ABRAXAS1: variants seen among roughly 807,000 people sequenced by gnomAD.
ABRAXAS1 encodes the protein BRCA1-A complex subunit Abraxas 1.
In ABRAXAS1, 26 loss-of-function variants were observed where a neutral mutation model predicts 38.4. The ratio of observed to expected loss-of-function variants is 0.68; its 90% confidence interval spans 0.50 to 0.94. ABRAXAS1 has a LOEUF of 0.94. Among genes scored for constraint, ABRAXAS1 ranks in the 40% least tolerant of loss-of-function variants. ABRAXAS1 has a pLI of 0.00. For synonymous variants in ABRAXAS1, 144 were observed against 165.5 expected (o/e 0.87, Z 1.00); for missense variants, 438 against 481.9 (o/e 0.91, Z 0.85).
Position 83,472,251 on chromosome 4 carries a change from G to A in ABRAXAS1, c.253C>T (p.Leu85=). Reference sequence around the variant, plus strand: ...TTGACATTTGATAATATTTTCTTCAGTGCTTGCTCATTTACTTCGCCTGAA... The same window carrying A: ...TTGACATTTGATAATATTTTCTTCAATGCTTGCTCATTTACTTCGCCTGAA... The part of the protein sequence containing the change: ...NSSGEVNEQA[L]KKILSNVKKN... Residue 85 remains leucine, a synonymous_variant, in exon 4 of 9, where the codon CTG becomes TTG. Transcript: ENST00000321945. 1 of 1,533,394 alleles carries A rather than the reference G, an allele frequency of 6.5e-7. No homozygotes were observed. Among genetic ancestry groups the A allele is most frequent in the Non-Finnish European group, 8.8e-7 (1 of 1,139,724 alleles). 95.0% of individuals were successfully genotyped at this position (1,533,394 alleles called of 1,614,324 possible).
At position 83,477,982 on chromosome 4, in the gene ABRAXAS1, G is replaced by C. The variant is rs888430729; in HGVS notation, c.179-1303C>G. 3.1e-6 allele frequency: 3 copies of C among 956,960 alleles called. No individual in the cohort carries two copies. In the African/African-American group the frequency reaches 4.9e-5, roughly 16 times the overall value. 59.3% of individuals were successfully genotyped at this position (956,960 alleles called of 1,614,324 possible). ...AGGCTCAAGGAAGTTTGTTCCAAGG[G>C]AGCATGATTGGCAGCTTCATCGATA... is the stretch of plus-strand genomic sequence containing the variant. On this transcript the variant is annotated intron_variant, in intron 2 of 8. Transcript: ENST00000321945.
chr4:83,476,585 T>G, intron 3 of ABRAXAS1, 58 bp downstream of exon 3: 1 of 1,168,816 alleles, frequency 8.6e-7, no homozygotes, highest in East Asian at 2.4e-5. Flanking sequence ...AAAAACTATT[T>G]CACTTGCAGA....
chr4:83,467,569 T>C (rs757063481), intron 6 of ABRAXAS1, 31 bp from the exon 7 acceptor site: 17 of 1,064,380 alleles, frequency 1.6e-5, no homozygotes, highest in Non-Finnish European at 2.3e-5. Flanking sequence ...CTCAGGCAAA[T>C]ACACAAAACC....
chr4:83,479,442 C>G (rs1473797858), intron 2 of ABRAXAS1: 2 of 149,740 alleles, frequency 1.3e-5, no homozygotes, highest in East Asian at 3.9e-4. Context: ...GACCTAGGCA[C>G]TTTTATATAC....
chr4:83,478,030 G>A, intron 2 of ABRAXAS1: 1 of 988,328 alleles, frequency 1.0e-6, no homozygotes, highest in South Asian at 1.3e-5. Context: ...AAGGCACCAG[G>A]GGTCTGTGGA....
chr4:83,477,951 G>C, intron 2 of ABRAXAS1: 2 of 886,482 alleles, frequency 2.3e-6, no homozygotes, highest in South Asian at 2.6e-5. Flanking sequence ...CTAAAGATTC[G>C]AATGCAGGCT....
chr4:83,463,998 C>G lies in ABRAXAS1; in HGVS notation c.682-390G>C, dbSNP rs1285256869. 6 of 152,938 alleles carry G rather than the reference C, an allele frequency of 3.9e-5. No homozygotes were observed. The Admixed American group carries it at 3.9e-4, about 10-fold the overall frequency. The allele number at this position is 152,938 out of a possible 1,614,324, so 9.5% of individuals were successfully genotyped here. ...CTCAGGAGTTCGAGACCAGCCTGGG[C>G]AACATGGTGAAACCCTGTCTCTACT... On this transcript the variant is annotated intron_variant, in intron 7 of 8. Transcript: ENST00000321945.
At chr4:83,472,493 T>C (rs1201632971) in intron 3 of ABRAXAS1, among the ~76,000 whole-genome samples, 1 of 151,960 alleles carries the variant, frequency 6.6e-6, no homozygotes, top group Admixed American at 6.6e-5. Flanking sequence ...CATAAAGCAA[T>C]GAAAAGGAAA....
In ABRAXAS1 at chr4:83,470,219, A is replaced by T; in HGVS notation, c.460T>A (p.Tyr154Asn). 1 of 1,612,486 alleles carries T rather than the reference A, an allele frequency of 6.2e-7. No individual in the cohort carries two copies. Among genetic ancestry groups the T allele is most frequent in the Non-Finnish European group, 8.5e-7 (1 of 1,179,220 alleles). The part of the protein sequence containing the change: ...CSTHRLEHSL[Y>N]KPQKGLFHRV... ...AACATTTACCCTTTTTGAGGTTTAT[A>T]TAAGGAATGTTCCAGTCGATGAGTA... The change falls in exon 5 of 9, where the codon TAT becomes AAT. Residue 154 changes from tyrosine to asparagine, a missense_variant. By Grantham distance (143) the Tyr-to-Asn change is moderately radical (BLOSUM62 -2). Transcript: ENST00000321945.
At position 83,462,215 on chromosome 4, in the gene ABRAXAS1, T is replaced by C. The variant is rs534393973; in HGVS notation, c.*254A>G. ...GTCTCACTTTTCCAATTCTAAAGAA[T>C]GTGTCTGTGTAAGCCTTCCCCTCAA... On this transcript the variant is annotated 3_prime_UTR_variant, in exon 9 of 9. Transcript: ENST00000321945. 7.0e-5 allele frequency: 28 copies of C among 397,392 alleles called. 1 individual carries two copies. Among genetic ancestry groups the C allele is most frequent in the Middle Eastern group, 6.5e-4 (1 of 1,540 alleles). 24.6% of individuals were successfully genotyped at this position (397,392 alleles called of 1,614,324 possible).
chr4:83,469,500 A>G lies in ABRAXAS1; in HGVS notation c.477-349T>C, dbSNP rs553305242. 3.1e-5 allele frequency: 7 copies of G among 229,292 alleles called. No individual in the cohort carries two copies. In the South Asian group the frequency reaches 4.5e-4, roughly 15 times the overall value. 14.2% of individuals were successfully genotyped at this position (229,292 alleles called of 1,614,324 possible). A position where few individuals can be genotyped will look rare whatever the true frequency, so the allele number is the denominator to read the frequency against. On this transcript the variant is annotated intron_variant, in intron 5 of 8. Transcript: ENST00000321945. ...CCCGACTAATTTTTAAGTTTTTTGT[A>G]GAGATGAGGTCTCCTAATGTTGCTC...
intron 1 of ABRAXAS1, among the ~76,000 whole-genome samples, chr4:83,483,789 G>GA (rs1723078375): frequency 6.6e-6 from 1 of 152,056 alleles, no homozygotes; most frequent in South Asian, 2.1e-4. Flanking sequence ...AAAGATCTGA[G>GA]AAACAGGGGC....
chr4:83,466,873 G>A (rs1413753145), intron 7 of ABRAXAS1: 1 of 152,686 alleles, frequency 6.5e-6, no homozygotes, highest in Non-Finnish European at 1.5e-5. Flanking sequence ...ATGCCATGAG[G>A]ACATGTCCCA....
chr4:83,469,393 T>C (rs1173197800), intron 5 of ABRAXAS1: 1 of 391,426 alleles, frequency 2.6e-6, no homozygotes, highest in South Asian at 3.5e-5. Context: ...GGCTCAATAA[T>C]GCAGCTTCAA....
intron 2 of ABRAXAS1, chr4:83,478,076 G>T: frequency 2.2e-6 from 2 of 911,650 alleles, no homozygotes; most frequent in Non-Finnish European, 3.6e-6. Flanking sequence ...TGCTGCCATC[G>T]TTGTGGGAGT....
chr4:83,469,782 A>G (rs191455733), intron 5 of ABRAXAS1: 2,313 of 148,414 alleles, frequency 0.016, 41 homozygotes, highest in Non-Finnish European at 0.022. Flanking sequence ...GTAGTTTACT[A>G]TATATAAAAC....
chr4:83,475,098 T>C (rs1722718890), intron 3 of ABRAXAS1, among the ~76,000 whole-genome samples: 1 of 152,344 alleles, frequency 6.6e-6, no homozygotes. Context: ...TCTCAGCTTC[T>C]ATTAAGTTAG....
intron 2 of ABRAXAS1, chr4:83,478,094 C>T: frequency 3.4e-6 from 3 of 877,790 alleles, no homozygotes; most frequent in Non-Finnish European, 5.7e-6. Context: ...AGTAGAGCTA[C>T]CAGTCTATGA....
intron 7 of ABRAXAS1, chr4:83,467,218 T>C (rs1722396593): frequency 1.6e-5 from 6 of 368,824 alleles, no homozygotes; most frequent in Non-Finnish European, 2.9e-5. Context: ...TGGGGACATT[T>C]GGTTTTCCCT....
Sources: allele counts gnomAD v4.1 joint callset (sites outside exome capture counted in the v4.1 genomes callset), GRCh38; gene constraint gnomAD v4.1.1; transcripts MANE v1.5; gene names NCBI Gene and HGNC (gene_info 2026-07-23, HGNC 2026-07-21).